COCH: variants seen among roughly 807,000 people sequenced by gnomAD.
COCH encodes the protein cochlin.
In COCH, 40 loss-of-function variants were observed where a neutral mutation model predicts 54.8. The observed-to-expected ratio is 0.73, with a 90% confidence interval of 0.57 to 0.95. The LOEUF (loss-of-function observed/expected upper bound fraction) is 0.95. Among genes scored for constraint, COCH ranks in the 40% least tolerant of loss-of-function variants. COCH has a pLI of 0.00. For missense variants in COCH, 605 were observed against 675.0 expected, an observed-to-expected ratio of 0.90 and a Z score of 1.15; for synonymous variants, 256 against 237.9, an observed-to-expected ratio of 1.08 and a Z score of -0.70.
chr14:30,895,307 A>T (rs1896111788), downstream of COCH: 3 of 1,227,562 alleles, frequency 2.4e-6, no homozygotes, highest in Admixed American at 8.5e-5. Flanking sequence ...AGCCTTCACC[A>T]GGCAGATCAC....
In COCH at chr14:30,877,872, C is replaced by T; in HGVS notation, c.239+144C>T. The stretch of plus-strand genomic sequence containing the variant: ...AGAAAATGGATATATTTTCACGGTT[C>T]TCCTGGATATACTTGAAACACCAAA... On this transcript the variant is annotated intron_variant, in intron 4 of 11. Coordinates refer to ENST00000396618, the MANE Select transcript of COCH (RefSeq NM_004086.3). The surrounding 1 kb of genome is among the most constrained non-coding windows in gnomAD (Gnocchi z 8.6). 7.1e-7 allele frequency: 1 copy of T among 1,410,120 alleles called. No individual in the cohort carries two copies. The highest frequency in any genetic ancestry group is 2.0e-5 in the Admixed American group (1 of 50,028). 87.4% of individuals were successfully genotyped at this position (1,410,120 alleles called of 1,614,324 possible).
chr14:30,875,190 G>C, intron 3 of COCH, 87 bp downstream of exon 3: 1 of 1,519,490 alleles, frequency 6.6e-7, no homozygotes, highest in Admixed American at 2.0e-5. Context: ...AGCCCCTTGG[G>C]CTTCAGCCCT....
chr14:30,893,440 C>T (rs1472182300), downstream of COCH, among the ~76,000 whole-genome samples: 1 of 152,160 alleles, frequency 6.6e-6, no homozygotes, highest in Non-Finnish European at 1.5e-5. Flanking sequence ...GCCTGAGCCA[C>T]CGCGCCCGGC....
Position 30,889,257 on chromosome 14 carries a change from T to G in COCH, c.1478-359T>G, listed in dbSNP as rs78059565. On this transcript the variant is annotated intron_variant, in intron 11 of 11. Coordinates refer to ENST00000396618, the MANE Select transcript of COCH (RefSeq NM_004086.3). ...GAAAATTTTCACCATCCGCATTTACTGTAGGATTTTAAAAAAGATACTGTG... is the reference window on the plus strand; with the variant it reads ...GAAAATTTTCACCATCCGCATTTACGGTAGGATTTTAAAAAAGATACTGTG... 1,511 of 255,800 alleles carry G rather than the reference T, an allele frequency of 5.9e-3. 28 individuals carry two copies. The highest frequency in any genetic ancestry group is 0.032 in the African/African-American group (1,407 of 43,950). 15.8% of individuals were successfully genotyped at this position (255,800 alleles called of 1,614,324 possible).
chr14:30,886,363 G>GA (rs1345473538), intron 11 of COCH, 51 bp downstream of exon 11: 3 of 1,585,534 alleles, frequency 1.9e-6, no homozygotes, highest in Non-Finnish European at 2.6e-6. Flanking sequence ...ACGGTTCAGT[G>GA]AATTTAGGAG....
intron 8 of COCH, among the ~76,000 whole-genome samples, chr14:30,883,359 C>T (rs1195874751): frequency 6.6e-6 from 1 of 152,230 alleles, no homozygotes; most frequent in Non-Finnish European, 1.5e-5. Flanking sequence ...TTCTTCATTA[C>T]CTTGTAGACT....
chr14:30,877,487 A>G lies in COCH; in HGVS notation c.83-85A>G. The G allele has an allele frequency of 6.5e-7, 1 of 1,535,458 alleles. No homozygotes were observed. Among genetic ancestry groups the G allele is most frequent in the Non-Finnish European group, 8.9e-7 (1 of 1,122,706 alleles). On this transcript the variant is annotated intron_variant, in intron 3 of 11. Coordinates refer to ENST00000396618, the MANE Select transcript of COCH (RefSeq NM_004086.3). The surrounding 1 kb of genome is among the most constrained non-coding windows in gnomAD (Gnocchi z 8.6). Reference sequence around the variant, plus strand: ...GAAGTGTAGAAATTAGGGAAGTAAAACTTAAATCTCACACTGTAGTCTCCC... The same window carrying G: ...GAAGTGTAGAAATTAGGGAAGTAAAGCTTAAATCTCACACTGTAGTCTCCC...
downstream of COCH, among the ~76,000 whole-genome samples, chr14:30,893,187 T>TG (rs1164415464): frequency 6.9e-6 from 1 of 144,320 alleles, no homozygotes; most frequent in Non-Finnish European, 1.5e-5. Flanking sequence ...ACGGAGTCTC[T>TG]GTCACCCAGG....
chr14:30,894,864 T>TA (rs763406267), downstream of COCH: 154 of 775,138 alleles, frequency 2.0e-4, no homozygotes, highest in Non-Finnish European at 2.5e-4. Flanking sequence ...CAACTAATGC[T>TA]AAAATATTTT....
chr14:30,884,535 T>A lies in COCH; in HGVS notation c.630-18T>A. The A allele has an allele frequency of 6.5e-7, 1 of 1,528,798 alleles. No homozygotes were observed. Among genetic ancestry groups the A allele is most frequent in the South Asian group, 1.1e-5 (1 of 89,310 alleles). The allele number at this position is 1,528,798 out of a possible 1,614,324, so 94.7% of individuals were successfully genotyped here. Reference sequence around the variant, plus strand: ...CTTTTTAATTCTCCCTGAATAACATTTTCTTTCTTCCACTCAGTGAACATC... The same window carrying A: ...CTTTTTAATTCTCCCTGAATAACATATTCTTTCTTCCACTCAGTGAACATC... On this transcript the variant is annotated intron_variant, in intron 8 of 11. Coordinates refer to ENST00000396618, the MANE Select transcript of COCH (RefSeq NM_004086.3).
chr14:30,882,695 A>G (rs192870614), intron 8 of COCH, among the ~76,000 whole-genome samples: 1 of 152,256 alleles, frequency 6.6e-6, no homozygotes, highest in East Asian at 1.9e-4. Context: ...TTAGATTTCT[A>G]AAAGTGAGGT....
downstream of COCH, among the ~76,000 whole-genome samples, chr14:30,891,740 G>GGC (rs1895987388): frequency 6.7e-6 from 1 of 149,950 alleles, no homozygotes. Context: ...TAAGAAAGTG[G>GGC]TTTTTTCTTT....
intron 3 of COCH, 162 bp downstream of exon 3, chr14:30,875,265 G>A: frequency 1.0e-6 from 1 of 985,002 alleles, no homozygotes; most frequent in East Asian, 2.6e-5. Flanking sequence ...AACCCCTGCA[G>A]CCGATCTGCT....
chr14:30,878,321 C>A lies in COCH; in HGVS notation c.240-490C>A, dbSNP rs28400032. Among the ~76,000 whole-genome samples the A allele has an allele frequency of 5.4e-3, 821 of 152,216 alleles. 3 individuals are homozygous for A. The highest frequency in any genetic ancestry group is 7.5e-3 in the Non-Finnish European group (513 of 68,014). On this transcript the variant is annotated intron_variant, in intron 4 of 11. Coordinates refer to ENST00000396618, the MANE Select transcript of COCH (RefSeq NM_004086.3). ...CTTAAGAAGTTCAACAGCACAAAAC[C>A]ATTTTTTTCCAGGCAAATTTTGTTC...
At position 30,877,246 on chromosome 14, in the gene COCH, G is replaced by A. The variant is rs768349733; in HGVS notation, c.83-326G>A. ...GGCACACCTGTAATCCCAGCTACTAGGGAGTTGGAGGTGGATCACTTGAGC... is the reference window on the plus strand; with the variant it reads ...GGCACACCTGTAATCCCAGCTACTAAGGAGTTGGAGGTGGATCACTTGAGC... On this transcript the variant is annotated intron_variant, in intron 3 of 11. Coordinates refer to ENST00000396618, the MANE Select transcript of COCH (RefSeq NM_004086.3). The surrounding 1 kb of genome is among the most constrained non-coding windows in gnomAD (Gnocchi z 8.6). 5.9e-6 allele frequency: 2 copies of A among 339,148 alleles called. No homozygotes were observed. The highest frequency in any genetic ancestry group is 4.3e-5 in the African/African-American group (2 of 47,040). 21.0% of individuals were successfully genotyped at this position (339,148 alleles called of 1,614,324 possible).
chr14:30,888,376 C>A (rs994084238), intron 11 of COCH, among the ~76,000 whole-genome samples: 1 of 152,026 alleles, frequency 6.6e-6, no homozygotes, highest in South Asian at 2.1e-4. Context: ...GCACTGTATA[C>A]CACTAGAAGG....
At chr14:30,885,687 G>A in intron 10 of COCH, 67 bp downstream of exon 10, 1 of 1,478,582 alleles carries the variant, frequency 6.8e-7, no homozygotes, top group Non-Finnish European at 9.5e-7. Flanking sequence ...TAAGTGCAGT[G>A]CTGACTGCCT....
At chr14:30,891,827 T>TAG (rs1895989144), downstream of COCH, among the ~76,000 whole-genome samples, 2 of 152,176 alleles carry the variant, frequency 1.3e-5, no homozygotes, top group Admixed American at 1.3e-4. Context: ...ATCAGAACTG[T>TAG]AGGTTACTAT....
intron 11 of COCH, chr14:30,889,350 T>C: frequency 2.3e-6 from 1 of 437,548 alleles, no homozygotes; most frequent in Non-Finnish European, 4.2e-6. Flanking sequence ...GATATTGAAC[T>C]TTATCAAATT....
Sources: allele counts gnomAD v4.1 joint callset (sites outside exome capture counted in the v4.1 genomes callset), GRCh38; gene constraint gnomAD v4.1.1; non-coding constraint Gnocchi (gnomAD v3.1); transcripts MANE v1.5; gene names NCBI Gene and HGNC (gene_info 2026-07-23, HGNC 2026-07-21).